The following PDE2A variants were observed in gnomAD, a reference collection of about 807,000 sequenced individuals.
The protein encoded by PDE2A is cGMP-dependent 3',5'-cyclic phosphodiesterase.
In PDE2A, 53 loss-of-function variants were observed where a neutral mutation model predicts 133.6. The observed-to-expected ratio is 0.40, with a 90% confidence interval of 0.32 to 0.50. PDE2A has a LOEUF of 0.50. PDE2A is among the 20% of genes least tolerant of loss of function. The pLI is 0.73. For missense variants in PDE2A, 796 were observed against 1,232.4 expected, an observed-to-expected ratio of 0.65 and a Z score of 5.30; for synonymous variants, 491 against 490.2, an observed-to-expected ratio of 1.00 and a Z score of -0.02.
intron 2 of PDE2A, among the ~76,000 whole-genome samples, chr11:72,629,397 C>T (rs1003712562): frequency 1.3e-5 from 2 of 152,240 alleles, no homozygotes; most frequent in Non-Finnish European, 2.9e-5. Flanking sequence ...TCTTGTGGCT[C>T]CCTGGGTGGA....
intron 24 of PDE2A, 79 bp from the exon 25 acceptor site, chr11:72,580,703 G>T: frequency 1.7e-6 from 2 of 1,211,664 alleles, no homozygotes; most frequent in Non-Finnish European, 2.4e-6. Context: ...GCAGTGTCCT[G>T]CCCTTCCACC....
chr11:72,587,533 T>C lies in PDE2A; in HGVS notation c.1070+1251A>G, dbSNP rs116344614. On this transcript the variant is annotated intron_variant, in intron 13 of 30. Transcript: ENST00000334456. ...GCTGATACCACCTCTTCTCCAGCTC[T>C]GGGGCCATCCTAGAACCCAATCTCA... Among the ~76,000 whole-genome samples, 753 of 152,316 alleles carry C rather than the reference T, an allele frequency of 4.9e-3. 3 individuals carry two copies. The highest frequency in any genetic ancestry group is 0.017 in the African/African-American group (721 of 41,556).
At chr11:72,606,394 T>C (rs999171377) in intron 3 of PDE2A, among the ~76,000 whole-genome samples, 4 of 152,136 alleles carry the variant, frequency 2.6e-5, no homozygotes, top group South Asian at 4.1e-4. Flanking sequence ...GAAGAAGCAG[T>C]TGCCTTCCAT....
At chr11:72,601,986 G>C (rs945632849) in intron 4 of PDE2A, among the ~76,000 whole-genome samples, 1 of 152,178 alleles carries the variant, frequency 6.6e-6, no homozygotes, top group Non-Finnish European at 1.5e-5. Flanking sequence ...GGTTCTTCCT[G>C]TGGAAGAACC....
Position 72,578,346 on chromosome 11 carries a change from G to T in PDE2A, c.2509-7C>A. On this transcript the variant is annotated splice_region_variant and splice_polypyrimidine_tract_variant and intron_variant, in intron 29 of 30. Coordinates refer to ENST00000334456, the MANE Select transcript of PDE2A (RefSeq NM_002599.5). The surrounding 1 kb of genome is among the most constrained non-coding windows in gnomAD (Gnocchi z 4.2). Reference sequence around the variant, plus strand: ...TGTTGCCCATGGCCTTCTCCTGCAGGCATCGAGTCGTCAGGCCTGTCCCTC... The same window carrying T: ...TGTTGCCCATGGCCTTCTCCTGCAGTCATCGAGTCGTCAGGCCTGTCCCTC... 3.1e-6 allele frequency: 5 copies of T among 1,605,512 alleles called. No homozygotes were observed. Among genetic ancestry groups the T allele is most frequent in the Non-Finnish European group, 4.3e-6 (5 of 1,172,288 alleles).
At position 72,584,956 on chromosome 11, in the gene PDE2A, G is replaced by A. The variant is rs766649115; in HGVS notation, c.1287-12C>T. 1.1e-5 allele frequency: 18 copies of A among 1,613,904 alleles called. No homozygotes were observed. Among genetic ancestry groups the A allele is most frequent in the Middle Eastern group, 1.6e-4 (1 of 6,084 alleles). Reference sequence around the variant, plus strand: ...GGAACACAGAGCAGCTGTGGAGGGAGGGGTTTGGTCCTCTGGGGCCTGACA... The same window carrying A: ...GGAACACAGAGCAGCTGTGGAGGGAAGGGTTTGGTCCTCTGGGGCCTGACA... On this transcript the variant is annotated splice_polypyrimidine_tract_variant and intron_variant, in intron 16 of 30. Coordinates refer to ENST00000334456, the MANE Select transcript of PDE2A (RefSeq NM_002599.5).
At chr11:72,619,702 T>C (rs1052501235) in intron 2 of PDE2A, among the ~76,000 whole-genome samples, 11 of 152,032 alleles carry the variant, frequency 7.2e-5, no homozygotes, top group Non-Finnish European at 1.5e-4. Flanking sequence ...TCCAAATGAG[T>C]GAGTGAACGT....
chr11:72,666,969 G>A (rs913572412), intron 1 of PDE2A, among the ~76,000 whole-genome samples: 1 of 152,160 alleles, frequency 6.6e-6, no homozygotes, highest in African/African-American at 2.4e-5. Flanking sequence ...ATGCAGGTGT[G>A]GTGGTGCATG....
At chr11:72,648,903 G>A (rs900425947) in intron 1 of PDE2A, among the ~76,000 whole-genome samples, 4 of 152,098 alleles carry the variant, frequency 2.6e-5, no homozygotes, top group African/African-American at 7.2e-5. Context: ...TCAAGCACAT[G>A]CTCACACAGC....
At chr11:72,589,089 G>C (rs549584853) in intron 12 of PDE2A, 86 bp downstream of exon 12, 2 of 1,320,784 alleles carry the variant, frequency 1.5e-6, no homozygotes, top group African/African-American at 2.9e-5. Context: ...CCCATTCCTA[G>C]GCTGCTCTGT....
chr11:72,669,259 C>A (rs1366392215), intron 1 of PDE2A, among the ~76,000 whole-genome samples: 2 of 152,296 alleles, frequency 1.3e-5, no homozygotes, highest in African/African-American at 4.8e-5. Flanking sequence ...CCCAAGGCAA[C>A]CATCCAAAGA....
chr11:72,608,319 G>T (rs1857059008), intron 3 of PDE2A, among the ~76,000 whole-genome samples: 1 of 152,176 alleles, frequency 6.6e-6, no homozygotes, highest in African/African-American at 2.4e-5. Context: ...TTCTCCTGCT[G>T]CATGTATTCC....
intron 2 of PDE2A, among the ~76,000 whole-genome samples, chr11:72,624,995 C>G (rs1289891811): frequency 6.6e-6 from 1 of 152,250 alleles, no homozygotes; most frequent in African/African-American, 2.4e-5. Context: ...CGTCCCCACC[C>G]CAACTGGGCA....
In PDE2A at chr11:72,674,253, G is replaced by A. The variant is rs753665922; in HGVS notation, c.-46C>T. The A allele has an allele frequency of 7.6e-6, 12 of 1,573,634 alleles. No individual in the cohort carries two copies. Among genetic ancestry groups the A allele is most frequent in the Admixed American group, 1.7e-5 (1 of 57,872 alleles). Reference sequence around the variant, plus strand: ...CCCAGCCAGACTAAGGTGGCACCTCGCCCTGTCCCCGCTGCCTGGAGTTCA... The same window carrying A: ...CCCAGCCAGACTAAGGTGGCACCTCACCCTGTCCCCGCTGCCTGGAGTTCA... On this transcript the variant is annotated 5_prime_UTR_variant, in exon 1 of 31. Coordinates refer to ENST00000334456, the MANE Select transcript of PDE2A (RefSeq NM_002599.5).
chr11:72,602,683 A>G (rs1047808028), intron 4 of PDE2A, among the ~76,000 whole-genome samples: 8 of 152,332 alleles, frequency 5.3e-5, no homozygotes, highest in South Asian at 4.1e-4. Context: ...GCAAGTAGCA[A>G]TCACTGAGCT....
chr11:72,600,597 C>T (rs1591049874), intron 4 of PDE2A, among the ~76,000 whole-genome samples: 1 of 152,160 alleles, frequency 6.6e-6, no homozygotes, highest in African/African-American at 2.4e-5. Context: ...TGAGTCTCCC[C>T]CACCCACATG....
At chr11:72,616,575 G>A (rs967073653) in intron 2 of PDE2A, among the ~76,000 whole-genome samples, 1 of 152,222 alleles carries the variant, frequency 6.6e-6, no homozygotes, top group Non-Finnish European at 1.5e-5. Context: ...GAGGGGTGTG[G>A]AGGAAGGATC....
At chr11:72,600,686 T>C (rs1856703150) in intron 4 of PDE2A, among the ~76,000 whole-genome samples, 2 of 152,032 alleles carry the variant, frequency 1.3e-5, no homozygotes, top group South Asian at 2.1e-4. Flanking sequence ...TCCTCTCCAG[T>C]TCCTCCCTTA....
intron 1 of PDE2A, among the ~76,000 whole-genome samples, chr11:72,665,088 G>A (rs907842742): frequency 1.3e-5 from 2 of 152,122 alleles, no homozygotes; most frequent in African/African-American, 4.8e-5. Flanking sequence ...TTACAGGCGC[G>A]AGCCACTATG....
Sources: gnomAD v4.1 joint callset for allele counts (sites outside exome capture counted in the v4.1 genomes callset) on GRCh38, gnomAD v4.1.1 for gene constraint, Gnocchi (gnomAD v3.1) non-coding constraint, MANE v1.5 for transcripts, NCBI Gene and HGNC (gene_info 2026-07-23, HGNC 2026-07-21) for gene names.